Variants in NFIB observed in about 807,000 individuals in gnomAD.
NFIB encodes nuclear factor I B, also known as nuclear factor 1 B-type.
In NFIB, 11 loss-of-function variants were observed where a neutral mutation model predicts 61.5. That is an observed-to-expected ratio of 0.18 (90% CI 0.11 to 0.30). NFIB has a LOEUF of 0.30. Ranked by LOEUF, NFIB falls within the 10% of genes least tolerant of loss-of-function variation. NFIB has a pLI of 1.00. For missense variants in NFIB, 471 were observed against 608.9 expected, an observed-to-expected ratio of 0.77 and a Z score of 2.38; for synonymous variants, 260 against 216.5, an observed-to-expected ratio of 1.20 and a Z score of -1.76.
chr9:14,204,735 T>A, intron 2 of NFIB: 1 of 579,472 alleles, frequency 1.7e-6, no homozygotes, highest in Non-Finnish European at 3.1e-6. Flanking sequence ...ATGGATCCCA[T>A]CGAGCTGGTT....
At chr9:14,225,963 G>C (rs1333463712) in intron 2 of NFIB, among the ~76,000 whole-genome samples, 1 of 152,118 alleles carries the variant, frequency 6.6e-6, no homozygotes, top group Non-Finnish European at 1.5e-5. Context: ...ATTTAGAACA[G>C]TGATCAGGTA....
chr9:14,396,159 T>C (rs576503466), intron 1 of NFIB, among the ~76,000 whole-genome samples: 14 of 152,254 alleles, frequency 9.2e-5, no homozygotes, highest in East Asian at 3.9e-4. Context: ...TGATAATTAG[T>C]TGGTTTATGT....
At chr9:14,527,082 G>A in the NFIB span, among the ~76,000 whole-genome samples, 1 of 152,116 alleles carries the variant, frequency 6.6e-6, no homozygotes, top group Non-Finnish European at 1.5e-5. Context: ...TATCTTGGAA[G>A]AAGATTAATG....
At chr9:14,506,293 G>A in the NFIB span, among the ~76,000 whole-genome samples, 1 of 152,146 alleles carries the variant, frequency 6.6e-6, no homozygotes, top group Non-Finnish European at 1.5e-5. Flanking sequence ...TTCACCCTCT[G>A]AAATGCATGG....
intron 1 of NFIB, among the ~76,000 whole-genome samples, chr9:14,348,948 C>A (rs769041487): frequency 6.6e-6 from 1 of 152,246 alleles, no homozygotes; most frequent in African/African-American, 2.4e-5. Flanking sequence ...CTCCCGCCCC[C>A]ACCTTGCGCT....
At chr9:14,108,059 A>T (rs1052718406) in intron 10 of NFIB, among the ~76,000 whole-genome samples, 2 of 152,138 alleles carry the variant, frequency 1.3e-5, no homozygotes, top group Non-Finnish European at 2.9e-5. Context: ...CCAAAGAGCT[A>T]AACATTTGCA....
intron 6 of NFIB, among the ~76,000 whole-genome samples, chr9:14,132,151 C>G (rs1273636486): frequency 6.6e-6 from 1 of 152,156 alleles, no homozygotes; most frequent in African/African-American, 2.4e-5. Context: ...TTCAGCAAAC[C>G]ATATCACTAA....
intron 1 of NFIB, among the ~76,000 whole-genome samples, chr9:14,398,243 G>C (rs2061707145): frequency 1.3e-5 from 2 of 152,112 alleles, no homozygotes; most frequent in South Asian, 2.1e-4. Context: ...CTATGGGAAG[G>C]GGATTAACTT....
chr9:14,253,786 A>C (rs1301800443), intron 2 of NFIB, among the ~76,000 whole-genome samples: 1 of 152,212 alleles, frequency 6.6e-6, no homozygotes, highest in Non-Finnish European at 1.5e-5. Flanking sequence ...GAATTGTTAC[A>C]GTAAGTAAAA....
intron 10 of NFIB, among the ~76,000 whole-genome samples, chr9:14,108,243 C>A (rs1416716665): frequency 1.3e-5 from 2 of 152,032 alleles, no homozygotes; most frequent in Non-Finnish European, 2.9e-5. Flanking sequence ...GTGTTGATAG[C>A]CTGCTTCCTG....
chr9:14,086,136 T>C lies in NFIB; in HGVS notation c.*2173A>G, dbSNP rs1334338827. The C allele has an allele frequency of 4.5e-6, 1 of 224,550 alleles. No homozygotes were observed. The highest frequency in any genetic ancestry group is 8.9e-6 in the Non-Finnish European group (1 of 112,202). 13.9% of individuals were successfully genotyped at this position (224,550 alleles called of 1,614,324 possible). Reference sequence around the variant, plus strand: ...AGTTAGAGAGGGGAACCTGTGTAAGTTGAAGTTTGTCACAGTAGGCAGAAC... The same window carrying C: ...AGTTAGAGAGGGGAACCTGTGTAAGCTGAAGTTTGTCACAGTAGGCAGAAC... On this transcript the variant is annotated 3_prime_UTR_variant, in exon 11 of 11. Transcript: ENST00000380953.
chr9:14,140,920 C>A (rs10810095), intron 6 of NFIB, among the ~76,000 whole-genome samples: 1 of 151,924 alleles, frequency 6.6e-6, no homozygotes, highest in African/African-American at 2.4e-5. Context: ...GGGCAACAGA[C>A]AGAGAAAAAA....
the NFIB span, among the ~76,000 whole-genome samples, chr9:14,457,364 C>A: frequency 1.3e-5 from 2 of 151,832 alleles, no homozygotes; most frequent in Non-Finnish European, 2.9e-5. Context: ...TGTCAACACC[C>A]TTTGAAAGAG....
the NFIB span, among the ~76,000 whole-genome samples, chr9:14,524,584 T>C: frequency 6.6e-6 from 1 of 152,132 alleles, no homozygotes; most frequent in African/African-American, 2.4e-5. Context: ...ACAGGTGAAA[T>C]TTTTAAGAAT....
intron 10 of NFIB, among the ~76,000 whole-genome samples, 186 bp from the exon 11 acceptor site, chr9:14,088,512 T>C (rs1450119510): frequency 6.6e-6 from 1 of 152,180 alleles, no homozygotes; most frequent in Non-Finnish European, 1.5e-5. Context: ...CTAAACTCTA[T>C]AGTCTATTTT....
chr9:14,524,298 A>G, the NFIB span, among the ~76,000 whole-genome samples: 1 of 152,174 alleles, frequency 6.6e-6, no homozygotes, highest in Non-Finnish European at 1.5e-5. Flanking sequence ...ATTCATACCT[A>G]TAGCATAGAA....
the NFIB span, among the ~76,000 whole-genome samples, chr9:14,529,727 T>C: frequency 2.6e-5 from 4 of 152,200 alleles, no homozygotes; most frequent in Non-Finnish European, 4.4e-5. Flanking sequence ...ACAAAGTTTA[T>C]TAAAACAGAA....
chr9:14,201,029 AG>A (rs1202690798), intron 2 of NFIB, among the ~76,000 whole-genome samples: 1 of 152,100 alleles, frequency 6.6e-6, no homozygotes. Flanking sequence ...CTTCACATTC[AG>A]TTGTCAGCCC....
intron 2 of NFIB, among the ~76,000 whole-genome samples, chr9:14,279,270 A>G (rs751693923): frequency 6.6e-5 from 10 of 152,192 alleles, no homozygotes; most frequent in Non-Finnish European, 1.0e-4. Context: ...TTCTACGATA[A>G]TAAGAGGATA....
Sources: allele counts gnomAD v4.1 joint callset (sites outside exome capture counted in the v4.1 genomes callset), GRCh38; gene constraint gnomAD v4.1.1; transcripts MANE v1.5; gene names NCBI Gene and HGNC (gene_info 2026-07-23, HGNC 2026-07-21).